The following MYO5B variants were observed in gnomAD, a reference collection of about 807,000 sequenced individuals.
MYO5B encodes the protein unconventional myosin-Vb.
A neutral mutation model predicts 229.3 loss-of-function variants in MYO5B; 143 were observed. That is an observed-to-expected ratio of 0.62 (90% CI 0.54 to 0.72). The LOEUF (loss-of-function observed/expected upper bound fraction) is 0.72, where lower values mean the gene tolerates loss of function less well. Ranked by LOEUF, MYO5B falls within the 30% of genes least tolerant of loss-of-function variation. The pLI is 0.00. For synonymous variants in MYO5B, 918 were observed against 885.2 expected (o/e 1.04, Z -0.66); for missense variants, 2,321 against 2,331.0 (o/e 1.00, Z 0.09).
chr18:50,070,513 G>A (rs1053672664), intron 1 of MYO5B, among the ~76,000 whole-genome samples: 1 of 151,880 alleles, frequency 6.6e-6, no homozygotes, highest in African/African-American at 2.4e-5. Context: ...CTGGCATCTA[G>A]TAGGTAGAGC....
intron 4 of MYO5B, among the ~76,000 whole-genome samples, chr18:50,013,987 G>T (rs1375316075): frequency 6.6e-6 from 1 of 152,168 alleles, no homozygotes; most frequent in Non-Finnish European, 1.5e-5. Flanking sequence ...CCATGGACAA[G>T]AATCCAAGAC....
chr18:49,951,575 G>A (rs1011110510), intron 14 of MYO5B, among the ~76,000 whole-genome samples: 1 of 152,030 alleles, frequency 6.6e-6, no homozygotes, highest in Non-Finnish European at 1.5e-5. Context: ...AGAGTTTTCC[G>A]GGCACCACTC....
At chr18:50,159,182 C>T (rs961417203) in intron 1 of MYO5B, among the ~76,000 whole-genome samples, 2 of 152,142 alleles carry the variant, frequency 1.3e-5, no homozygotes, top group Admixed American at 6.5e-5. Flanking sequence ...CAAAGGTTAA[C>T]CAAACCCACA....
At chr18:49,929,429 G>C in intron 17 of MYO5B, 83 bp downstream of exon 17, 1 of 1,114,960 alleles carries the variant, frequency 9.0e-7, no homozygotes, top group South Asian at 1.4e-5. Context: ...TCTGGCCGAC[G>C]GTACACAGAG....
At chr18:49,873,673 T>C (rs764794842) in intron 26 of MYO5B, among the ~76,000 whole-genome samples, 1 of 152,202 alleles carries the variant, frequency 6.6e-6, no homozygotes, top group Admixed American at 6.5e-5. Flanking sequence ...ATTGAGTACA[T>C]TACATTCTCA....
chr18:50,053,154 C>A (rs17728885), intron 2 of MYO5B, among the ~76,000 whole-genome samples: 25,868 of 152,172 alleles, frequency 0.17, 2,251 homozygotes, highest in East Asian at 0.23. Context: ...ATAATGATAG[C>A]TCAGAGCCAG....
chr18:49,942,375 C>T (rs1192052643), intron 14 of MYO5B, among the ~76,000 whole-genome samples: 3 of 90,308 alleles, frequency 3.3e-5, no homozygotes, highest in African/African-American at 1.4e-4. Context: ...AGAGCTTCTG[C>T]ACAGCAAAAA....
intron 2 of MYO5B, among the ~76,000 whole-genome samples, chr18:50,045,779 T>C (rs2030207760): frequency 6.6e-6 from 1 of 152,206 alleles, no homozygotes; most frequent in South Asian, 2.1e-4. Context: ...ACAACTGAGA[T>C]ACAGAACATT....
chr18:49,887,475 T>C (rs2024656851), intron 22 of MYO5B, among the ~76,000 whole-genome samples: 1 of 151,940 alleles, frequency 6.6e-6, no homozygotes, highest in Non-Finnish European at 1.5e-5. Context: ...TCACGTGAGA[T>C]CTGGTTGTTT....
In MYO5B at chr18:49,866,794, T is replaced by C. The variant is rs559451679; in HGVS notation, c.3604-2414A>G. 9.8e-5 allele frequency among the ~76,000 whole-genome samples: 15 copies of C among 152,298 alleles called. No individual in the cohort carries two copies. The East Asian group carries it at 1.9e-3, about 20-fold the overall frequency. Reference sequence around the variant, plus strand: ...TACACTAAAGTACAGATCATGGCACTGCAGCCTGGAACACACTATGACATG... The same window carrying C: ...TACACTAAAGTACAGATCATGGCACCGCAGCCTGGAACACACTATGACATG... On this transcript the variant is annotated intron_variant, in intron 27 of 39. Coordinates refer to ENST00000285039, the MANE Select transcript of MYO5B (RefSeq NM_001080467.3).
chr18:49,898,531 C>T lies in MYO5B; in HGVS notation c.2812-3357G>A, dbSNP rs568503177. 4.0e-3 allele frequency among the ~76,000 whole-genome samples: 611 copies of T among 152,298 alleles called. 5 individuals carry two copies. Among genetic ancestry groups the T allele is most frequent in the African/African-American group, 0.014 (592 of 41,552 alleles). Reference sequence around the variant, plus strand: ...TTTACTGAATGACGTCATACCACAGCCTATCCCAGGGACACTGCAAGAAAT... The same window carrying T: ...TTTACTGAATGACGTCATACCACAGTCTATCCCAGGGACACTGCAAGAAAT... On this transcript the variant is annotated intron_variant, in intron 21 of 39. Transcript: ENST00000285039.
intron 2 of MYO5B, among the ~76,000 whole-genome samples, chr18:50,043,696 A>G (rs1049302546): frequency 2.1e-5 from 3 of 141,290 alleles, no homozygotes; most frequent in African/African-American, 7.8e-5. Flanking sequence ...ATAAATATAT[A>G]TTTATATATA....
chr18:49,914,125 C>T (rs372161181), intron 17 of MYO5B, among the ~76,000 whole-genome samples: 7 of 152,196 alleles, frequency 4.6e-5, no homozygotes, highest in African/African-American at 1.7e-4. Context: ...CTGGTTAACA[C>T]TTAAGCCATC....
At chr18:49,911,768 T>C (rs2024960473) in intron 18 of MYO5B, among the ~76,000 whole-genome samples, 1 of 152,172 alleles carries the variant, frequency 6.6e-6, no homozygotes, top group South Asian at 2.1e-4. Flanking sequence ...CATTGCTGGG[T>C]CAGGGGTCTG....
In MYO5B at chr18:49,824,394, T is replaced by C. The variant is rs1203649692; in HGVS notation, c.*2077A>G. On this transcript the variant is annotated 3_prime_UTR_variant, in exon 40 of 40. Coordinates refer to ENST00000285039, the MANE Select transcript of MYO5B (RefSeq NM_001080467.3). The stretch of plus-strand genomic sequence containing the variant: ...ATTCATAAGGTCCTTCCCTCCCCAT[T>C]TATTCTAATTGCCAAGCTTTTATTC... 6.6e-6 allele frequency: 1 copy of C among 152,380 alleles called. No homozygotes were observed. The highest frequency in any genetic ancestry group is 1.5e-5 in the Non-Finnish European group (1 of 68,102). 9.4% of individuals were successfully genotyped at this position (152,380 alleles called of 1,614,324 possible).
At chr18:50,131,497 G>C (rs1005493485) in intron 1 of MYO5B, among the ~76,000 whole-genome samples, 4 of 152,164 alleles carry the variant, frequency 2.6e-5, no homozygotes, top group African/African-American at 9.7e-5. Flanking sequence ...ACTTCCTACA[G>C]ACACTTTCAA....
At chr18:50,060,055 G>C (rs761785999) in intron 1 of MYO5B, among the ~76,000 whole-genome samples, 5 of 152,140 alleles carry the variant, frequency 3.3e-5, no homozygotes, top group East Asian at 1.9e-4. Context: ...GGAGGGGAAG[G>C]GTTTCTTTTT....
chr18:50,140,564 A>T (rs1028985284), intron 1 of MYO5B, among the ~76,000 whole-genome samples: 1 of 152,252 alleles, frequency 6.6e-6, no homozygotes, highest in Non-Finnish European at 1.5e-5. Flanking sequence ...ATAGAAAAAC[A>T]TTCTCAATCT....
rs1384259149 is a variant in MYO5B, at chr18:50,169,188, G to A, written c.27+25579C>T. On this transcript the variant is annotated intron_variant, in intron 1 of 39. Transcript: ENST00000285039. ...GCTAGATGTGGCAGCACATGCCTGT[G>A]GTCCCTGCTATTCAAGAGGCTGAGG... 1.6e-5 allele frequency among the ~76,000 whole-genome samples: 2 copies of A among 126,818 alleles called. 1 individual carries two copies. Among genetic ancestry groups the A allele is most frequent in the Non-Finnish European group, 3.4e-5 (2 of 59,656 alleles). The allele number at this position is 126,818 out of a possible 152,430, so 83.2% of individuals were successfully genotyped here.
Sources: allele counts gnomAD v4.1 joint callset (sites outside exome capture counted in the v4.1 genomes callset), GRCh38; gene constraint gnomAD v4.1.1; transcripts MANE v1.5; gene names NCBI Gene and HGNC (gene_info 2026-07-23, HGNC 2026-07-21).